Variants in FRMD4B observed in about 807,000 individuals in gnomAD.
FRMD4B encodes FERM domain containing 4B.
FRMD4B carries 74 observed loss-of-function variants against 141.5 expected under a neutral mutation model. That is an observed-to-expected ratio of 0.52 (90% CI 0.43 to 0.63). The LOEUF is 0.63. FRMD4B is among the 30% of genes least tolerant of loss of function. The probability of loss-of-function intolerance (pLI) is 0.00; values close to 1 mark genes in which losing one functional copy is unlikely to be tolerated. For missense variants in FRMD4B, 1,366 were observed against 1,253.4 expected (o/e 1.09, Z -1.36); for synonymous variants, 506 against 467.9 (o/e 1.08, Z -1.05).
chr3:69,327,946 T>C (rs992821020), intron 1 of FRMD4B, among the ~76,000 whole-genome samples: 1 of 152,252 alleles, frequency 6.6e-6, no homozygotes, highest in East Asian at 1.9e-4. Context: ...CAGACTCTTT[T>C]TGAAGCCAAT....
chr3:69,343,947 C>T (rs943258203), intron 1 of FRMD4B, among the ~76,000 whole-genome samples: 1 of 152,148 alleles, frequency 6.6e-6, no homozygotes, highest in Non-Finnish European at 1.5e-5. Flanking sequence ...CTTGTAAGAG[C>T]TATTTATATT....
At chr3:69,313,914 C>T (rs1331398462) in intron 1 of FRMD4B, among the ~76,000 whole-genome samples, 1 of 149,784 alleles carries the variant, frequency 6.7e-6, no homozygotes, top group Non-Finnish European at 1.5e-5. Context: ...CCGAGGCGGG[C>T]GGATCACGAG....
chr3:69,457,377 A>C (rs1366008386), intron 1 of FRMD4B, among the ~76,000 whole-genome samples: 1 of 152,214 alleles, frequency 6.6e-6, no homozygotes, highest in East Asian at 1.9e-4. Context: ...ATTTTCCATA[A>C]TAAACATGCT....
intron 1 of FRMD4B, among the ~76,000 whole-genome samples, chr3:69,477,685 C>T (rs1332272308): frequency 6.6e-6 from 1 of 151,852 alleles, no homozygotes; most frequent in Non-Finnish European, 1.5e-5. Context: ...TATGTCTCTG[C>T]CAGGCTTTGG....
At chr3:69,388,023 G>A (rs1575783052), upstream of FRMD4B, among the ~76,000 whole-genome samples, 1 of 151,840 alleles carries the variant, frequency 6.6e-6, no homozygotes, top group African/African-American at 2.4e-5. Flanking sequence ...CTGTCATCAT[G>A]CTGAATGGAA....
In FRMD4B at chr3:69,249,344, AGTTTT is replaced by A. The variant is rs2093446428; in HGVS notation, c.559-101_559-97del. 1.8e-5 allele frequency: 15 copies of A among 821,624 alleles called. No individual in the cohort carries two copies. The South Asian group carries it at 2.4e-4, about 13-fold the overall frequency. The allele number at this position is 821,624 out of a possible 1,614,324, so 50.9% of individuals were successfully genotyped here. A position where few individuals can be genotyped will look rare whatever the true frequency, so the allele number is the denominator to read the frequency against. ...TTACTTTCCCCTCTTAAAGTTCCTG[AGTTTT>A]GTTTTGAAGAGTGTTTCTCAGGAAT... On this transcript the variant is annotated intron_variant, in intron 6 of 22. Coordinates refer to ENST00000398540, the MANE Select transcript of FRMD4B (RefSeq NM_015123.3).
At chr3:69,534,277 C>A (rs1701049437) in intron 1 of FRMD4B, among the ~76,000 whole-genome samples, 1 of 152,186 alleles carries the variant, frequency 6.6e-6, no homozygotes. Context: ...TCATCCTAAG[C>A]AATACTATTC....
chr3:69,302,810 T>C (rs747356902), intron 3 of FRMD4B, among the ~76,000 whole-genome samples: 1 of 152,218 alleles, frequency 6.6e-6, no homozygotes, highest in African/African-American at 2.4e-5. Context: ...CAGTGGCTCA[T>C]GCCTGTAATC....
At chr3:69,437,635 C>A (rs1705280353) in intron 1 of FRMD4B, among the ~76,000 whole-genome samples, 1 of 132,112 alleles carries the variant, frequency 7.6e-6, no homozygotes. Flanking sequence ...AATATATATA[C>A]TATATATATA....
chr3:69,242,998 A>G (rs955808675), intron 7 of FRMD4B, among the ~76,000 whole-genome samples: 1 of 151,168 alleles, frequency 6.6e-6, no homozygotes, highest in Non-Finnish European at 1.5e-5. Context: ...CTGTCTCAAA[A>G]AAAAAAAAAA....
intron 1 of FRMD4B, among the ~76,000 whole-genome samples, chr3:69,450,488 C>T (rs12488148): frequency 6.6e-6 from 1 of 152,088 alleles, no homozygotes; most frequent in Admixed American, 6.5e-5. Context: ...GGTGGTGGCT[C>T]ACACCACTAA....
chr3:69,191,409 GCT>G (rs1316549239), intron 17 of FRMD4B, among the ~76,000 whole-genome samples: 2 of 152,146 alleles, frequency 1.3e-5, no homozygotes, highest in Admixed American at 6.5e-5. Flanking sequence ...GGCAGAGACA[GCT>G]CTGTCTCAAA....
chr3:69,216,243 C>T lies in FRMD4B; in HGVS notation c.876+20G>A. The T allele has an allele frequency of 7.9e-7, 1 of 1,260,122 alleles. No homozygotes were observed. The highest frequency in any genetic ancestry group is 1.1e-6 in the Non-Finnish European group (1 of 874,098). 78.1% of individuals were successfully genotyped at this position (1,260,122 alleles called of 1,614,324 possible). A position where few individuals can be genotyped will look rare whatever the true frequency, so the allele number is the denominator to read the frequency against. ...ATGTTTTGAACAGTTCAAAGTTCTC[C>T]TAAAGTGATCCACACTTACCTTCCG... On this transcript the variant is annotated intron_variant, in intron 11 of 22. Transcript: ENST00000398540.
At chr3:69,533,018 C>T (rs1167137588) in intron 1 of FRMD4B, among the ~76,000 whole-genome samples, 1 of 152,238 alleles carries the variant, frequency 6.6e-6, no homozygotes, top group South Asian at 2.1e-4. Flanking sequence ...CTCCTCCTCA[C>T]TGTGACAACA....
At chr3:69,241,627 C>T (rs925644012) in intron 7 of FRMD4B, among the ~76,000 whole-genome samples, 3 of 152,084 alleles carry the variant, frequency 2.0e-5, no homozygotes, top group Admixed American at 6.5e-5. Flanking sequence ...TGGGTGCAGT[C>T]GCTCACACCT....
intron 18 of FRMD4B, among the ~76,000 whole-genome samples, chr3:69,189,635 C>T (rs75655419): frequency 0.036 from 5,425 of 152,240 alleles, 243 homozygotes; most frequent in African/African-American, 0.1. Context: ...AAAGTCCTTA[C>T]TGAGAGACTT....
chr3:69,405,825 G>GAAATAT (rs1318874446), intron 2 of FRMD4B, among the ~76,000 whole-genome samples: 1 of 152,176 alleles, frequency 6.6e-6, no homozygotes, highest in Non-Finnish European at 1.5e-5. Context: ...AGTTCCAACT[G>GAAATAT]AAATTTAAAT....
At chr3:69,449,823 A>AT (rs1345930956) in intron 1 of FRMD4B, among the ~76,000 whole-genome samples, 1 of 152,220 alleles carries the variant, frequency 6.6e-6, no homozygotes, top group Non-Finnish European at 1.5e-5. Context: ...TGTTAGACCA[A>AT]TTTTTAACAA....
intron 7 of FRMD4B, among the ~76,000 whole-genome samples, chr3:69,233,002 T>C (rs952028745): frequency 1.3e-5 from 2 of 151,188 alleles, no homozygotes; most frequent in Admixed American, 1.3e-4. Flanking sequence ...TCCTCCCATC[T>C]TGGCTTCTCA....
Sources: allele counts gnomAD v4.1 joint callset (sites outside exome capture counted in the v4.1 genomes callset), GRCh38; gene constraint gnomAD v4.1.1; transcripts MANE v1.5; gene names NCBI Gene and HGNC (gene_info 2026-07-23, HGNC 2026-07-21).